IL1RAPL2: variants seen among roughly 807,000 people sequenced by gnomAD.
The protein encoded by IL1RAPL2 is interleukin 1 receptor accessory protein like 2.
In IL1RAPL2, 3 loss-of-function variants were observed where a neutral mutation model predicts 44.1. The observed-to-expected ratio is 0.07, with a 90% CI of 0.03 to 0.18. The LOEUF is 0.18. Ranked by LOEUF, IL1RAPL2 falls within the 10% of genes least tolerant of loss-of-function variation. The probability of loss-of-function intolerance (pLI) is 1.00; values close to 1 mark genes in which losing one functional copy is unlikely to be tolerated. For missense variants in IL1RAPL2, 391 were observed against 496.4 expected, an observed-to-expected ratio of 0.79 and a Z score of 2.02; for synonymous variants, 181 against 178.8, an observed-to-expected ratio of 1.01 and a Z score of -0.10.
chrX:105,003,887 T>C (rs1292357106), intron 2 of IL1RAPL2, among the ~76,000 whole-genome samples: 1 of 111,696 alleles, frequency 9.0e-6, no homozygotes, highest in African/African-American at 3.2e-5. Flanking sequence ...CTAATGTTTA[T>C]TGCGTGCTTG....
At chrX:105,211,455 G>A (rs1188941807) in intron 3 of IL1RAPL2, among the ~76,000 whole-genome samples, 1 of 110,943 alleles carries the variant, frequency 9.0e-6, no homozygotes, top group Non-Finnish European at 1.9e-5. Context: ...TAAACCTGGG[G>A]TTAACCCCAG....
chrX:105,537,342 A>G (rs1004469612), intron 6 of IL1RAPL2, among the ~76,000 whole-genome samples: 1 of 111,475 alleles, frequency 9.0e-6, no homozygotes, highest in South Asian at 3.8e-4. Flanking sequence ...TGACCTATAC[A>G]TGGCTTTTCT....
intron 2 of IL1RAPL2, among the ~76,000 whole-genome samples, chrX:104,749,747 A>C (rs988132810): frequency 8.9e-6 from 1 of 111,830 alleles, no homozygotes; most frequent in African/African-American, 3.2e-5. Flanking sequence ...CATGTCTGGT[A>C]CCAAGTAGTT....
chrX:105,680,905 C>A (rs186097021), intron 6 of IL1RAPL2, among the ~76,000 whole-genome samples: 1 of 111,577 alleles, frequency 9.0e-6, no homozygotes, highest in African/African-American at 3.3e-5. Context: ...AAATGAGGAC[C>A]CCCAAAACCT....
intron 2 of IL1RAPL2, among the ~76,000 whole-genome samples, chrX:104,912,500 C>T (rs990288860): frequency 9.0e-6 from 1 of 111,603 alleles, no homozygotes; most frequent in East Asian, 2.8e-4. Flanking sequence ...ATGAAGCATA[C>T]TGCAGGCAAA....
At chrX:104,897,190 A>G (rs991371299) in intron 2 of IL1RAPL2, among the ~76,000 whole-genome samples, 5 of 112,087 alleles carry the variant, frequency 4.5e-5, no homozygotes, top group African/African-American at 9.7e-5. Context: ...TTATTATCAG[A>G]TGGCTGTGGC....
At chrX:104,746,429 A>C (rs1482222595) in intron 2 of IL1RAPL2, among the ~76,000 whole-genome samples, 1 of 111,964 alleles carries the variant, frequency 8.9e-6, no homozygotes, top group Admixed American at 9.5e-5. Context: ...CAAAACTTAA[A>C]GCATGAATTT....
intron 2 of IL1RAPL2, among the ~76,000 whole-genome samples, chrX:104,668,310 T>G (rs1273582008): frequency 9.3e-6 from 1 of 107,814 alleles, no homozygotes; most frequent in Admixed American, 9.9e-5. Context: ...GTGTTTCTTT[T>G]TTATTTTTAT....
intron 5 of IL1RAPL2, among the ~76,000 whole-genome samples, chrX:105,466,054 A>T (rs2036126892): frequency 9.0e-6 from 1 of 111,313 alleles, no homozygotes; most frequent in African/African-American, 3.3e-5. Context: ...GATAGAGGTG[A>T]CACCAGTGAA....
In IL1RAPL2 at chrX:104,802,201, C is replaced by T. The variant is rs1327897939; in HGVS notation, c.82+143206C>T. ...CTCTACTAAAAATACAAAATTTAGC[C>T]GGGCATGGTAGCACATGACTGTAAT... On this transcript the variant is annotated intron_variant, in intron 2 of 10. Coordinates refer to ENST00000372582, the MANE Select transcript of IL1RAPL2 (RefSeq NM_017416.2). Among the ~76,000 whole-genome samples the T allele has an allele frequency of 7.3e-5, 8 of 109,919 alleles. No homozygotes were observed. In the East Asian group the frequency reaches 8.6e-4, roughly 12 times the overall value.
At chrX:104,998,883 C>T (rs1220908566) in intron 2 of IL1RAPL2, among the ~76,000 whole-genome samples, 2 of 111,571 alleles carry the variant, frequency 1.8e-5, no homozygotes, top group Non-Finnish European at 3.8e-5. Flanking sequence ...CTCATTATAA[C>T]CTGGACTCCT....
chrX:105,077,935 A>G, intron 2 of IL1RAPL2, among the ~76,000 whole-genome samples: 1 of 111,272 alleles, frequency 9.0e-6, no homozygotes, highest in Non-Finnish European at 1.9e-5. Flanking sequence ...CCAGTTATGC[A>G]TTCATCTAAT....
At chrX:105,523,113 T>A (rs2036570579) in intron 6 of IL1RAPL2, among the ~76,000 whole-genome samples, 1 of 111,771 alleles carries the variant, frequency 8.9e-6, no homozygotes, top group Admixed American at 9.5e-5. Flanking sequence ...TCAGTCCTGA[T>A]CTTGTTTAGT....
At chrX:105,408,277 T>C (rs1162055057) in intron 5 of IL1RAPL2, among the ~76,000 whole-genome samples, 3 of 111,825 alleles carry the variant, frequency 2.7e-5, no homozygotes, top group African/African-American at 9.8e-5. Context: ...CCCAATTTTC[T>C]TGAGTCATTA....
In IL1RAPL2 at chrX:105,410,353, A is replaced by G. The variant is rs754377589; in HGVS notation, c.698-73960A>G. 4.5e-5 allele frequency among the ~76,000 whole-genome samples: 5 copies of G among 110,125 alleles called. No individual in the cohort carries two copies. In the South Asian group the frequency reaches 2.0e-3, roughly 44 times the overall value. On this transcript the variant is annotated intron_variant, in intron 5 of 10. Coordinates refer to ENST00000372582, the MANE Select transcript of IL1RAPL2 (RefSeq NM_017416.2). Reference sequence around the variant, plus strand: ...AAAAATAAAGAGAGACTATAGGAGGAGGCAACACCAAGAGAAAGAGAGCAT... The same window carrying G: ...AAAAATAAAGAGAGACTATAGGAGGGGGCAACACCAAGAGAAAGAGAGCAT...
At chrX:104,940,162 A>T (rs1028041544) in intron 2 of IL1RAPL2, among the ~76,000 whole-genome samples, 2 of 111,870 alleles carry the variant, frequency 1.8e-5, no homozygotes, top group Admixed American at 1.9e-4. Context: ...TTAATACACA[A>T]ATATCCGTAA....
At chrX:105,204,326 T>C (rs782159158) in intron 3 of IL1RAPL2, among the ~76,000 whole-genome samples, 3 of 111,227 alleles carry the variant, frequency 2.7e-5, no homozygotes, top group African/African-American at 9.8e-5. Flanking sequence ...CTAGCTACGG[T>C]GTACTGAAAT....
chrX:105,519,708 A>G (rs1000199134), intron 6 of IL1RAPL2, among the ~76,000 whole-genome samples: 1 of 111,509 alleles, frequency 9.0e-6, no homozygotes, highest in Non-Finnish European at 1.9e-5. Flanking sequence ...TCATGTTAGT[A>G]TAGACACTAA....
intron 6 of IL1RAPL2, among the ~76,000 whole-genome samples, chrX:105,670,103 C>CTGTATATA (rs2037804975): frequency 2.3e-4 from 2 of 8,775 alleles, no homozygotes; most frequent in African/African-American, 9.0e-4. Flanking sequence ...TCTGGGTTTC[C>CTGTATATA]TGTATATATA....
Sources: allele counts gnomAD v4.1 joint callset (sites outside exome capture counted in the v4.1 genomes callset), GRCh38; gene constraint gnomAD v4.1.1; transcripts MANE v1.5; gene names NCBI Gene and HGNC (gene_info 2026-07-23, HGNC 2026-07-21).